TNFSF15: variants seen among roughly 807,000 people sequenced by gnomAD.
TNFSF15 encodes tumor necrosis factor ligand superfamily member 15.
In TNFSF15, 15 loss-of-function variants were observed where a neutral mutation model predicts 26.4. That is an observed-to-expected ratio of 0.57 (90% CI 0.38 to 0.87). The LOEUF (loss-of-function observed/expected upper bound fraction) is 0.87. Ranked by LOEUF, TNFSF15 falls within the 40% of genes least tolerant of loss-of-function variation. The pLI is 0.00. For missense variants in TNFSF15, 290 were observed against 306.1 expected (o/e 0.95, Z 0.39); for synonymous variants, 116 against 115.0 (o/e 1.01, Z -0.06).
At position 114,805,911 on chromosome 9, in the gene TNFSF15, G is replaced by A. The variant is rs1829815715; in HGVS notation, c.102C>T (p.Arg34=). The stretch of plus-strand genomic sequence containing the variant: ...ACACCAGGCAGCAGGTGAGAGCCCA[G>A]CGTGCGCTGCTGCTCCTGGCCTTGG... ...CRPKARSSSA[R]WALTCCLVLL... The change falls in exon 1 of 4, where the codon CGC becomes CGT. Residue 34 remains arginine (R), a synonymous_variant. Coordinates refer to ENST00000374045, the MANE Select transcript of TNFSF15 (RefSeq NM_005118.4). 6.2e-7 allele frequency: 1 copy of A among 1,614,128 alleles called. No individual in the cohort carries two copies. Among genetic ancestry groups the A allele is most frequent in the Non-Finnish European group, 8.5e-7 (1 of 1,180,038 alleles).
At chr9:114,800,040 A>G (rs1829723627) in intron 1 of TNFSF15, among the ~76,000 whole-genome samples, 1 of 152,082 alleles carries the variant, frequency 6.6e-6, no homozygotes, top group South Asian at 2.1e-4. Context: ...TTTTCTCTAG[A>G]TAGCACTGAA....
At chr9:114,792,115 C>T (rs1829608806) in intron 3 of TNFSF15, 2 of 386,106 alleles carry the variant, frequency 5.2e-6, no homozygotes, top group South Asian at 7.0e-5. Flanking sequence ...CACTCACATG[C>T]TTATTGCAGC....
Position 114,786,910 on chromosome 9 carries a change from T to TC in TNFSF15, c.*3541dup, listed in dbSNP as rs1432583400. 1.8e-4 allele frequency: 8 copies of TC among 44,676 alleles called. No individual in the cohort carries two copies. Among genetic ancestry groups the TC allele is most frequent in the Non-Finnish European group, 2.7e-4 (7 of 25,620 alleles). 2.8% of individuals were successfully genotyped at this position (44,676 alleles called of 1,614,324 possible). On this transcript the variant is annotated 3_prime_UTR_variant, in exon 4 of 4. Coordinates refer to ENST00000374045, the MANE Select transcript of TNFSF15 (RefSeq NM_005118.4). ...CTGGGTGACAAAGCAAGACTCTGTC[T>TC]CAAAAAAAAAAAAAAAAAAAAAGAA...
At position 114,792,061 on chromosome 9, in the gene TNFSF15, C is replaced by G. The variant is rs148704590; in HGVS notation, c.301+346G>C. ...AGAGACATGGGCCTTTGGAACCCCC[C>G]CACAGGGAAGAAGACATCCAAAAAA... On this transcript the variant is annotated intron_variant, in intron 3 of 3. Coordinates refer to ENST00000374045, the MANE Select transcript of TNFSF15 (RefSeq NM_005118.4). The G allele has an allele frequency of 4.0e-3, 963 of 242,990 alleles. 9 individuals carry two copies. The highest frequency in any genetic ancestry group is 0.02 in the African/African-American group (889 of 44,148). 15.1% of individuals were successfully genotyped at this position (242,990 alleles called of 1,614,324 possible).
At chr9:114,790,941 T>C (rs1189675610) in intron 3 of TNFSF15, 35 bp from the exon 4 acceptor site, 2 of 1,603,382 alleles carry the variant, frequency 1.2e-6, no homozygotes, top group Admixed American at 1.7e-5. Flanking sequence ...ATTTTCTCAT[T>C]GGGAAACTGT....
intron 1 of TNFSF15, 100 bp from the exon 2 acceptor site, chr9:114,793,668 C>T (rs1159441088): frequency 1.7e-6 from 2 of 1,148,024 alleles, no homozygotes; most frequent in East Asian, 2.4e-5. Flanking sequence ...GCTTCTGCTG[C>T]CCAGCCTGGG....
intron 1 of TNFSF15, among the ~76,000 whole-genome samples, chr9:114,798,504 G>A (rs1829701579): frequency 6.6e-6 from 1 of 152,068 alleles, no homozygotes; most frequent in Admixed American, 6.6e-5. Context: ...TTGAAGTTTA[G>A]TGGAATGCTC....
At chr9:114,790,939 A>G in intron 3 of TNFSF15, 33 bp from the exon 4 acceptor site, 1 of 1,601,836 alleles carries the variant, frequency 6.2e-7, no homozygotes, top group East Asian at 2.2e-5. Flanking sequence ...TAATTTTCTC[A>G]TTGGGAAACT....
rs1332192451 is a variant in TNFSF15, at chr9:114,790,775, C to T, written c.433G>A (p.Gly145Arg). Residue 145 changes from glycine to arginine, a missense_variant, in exon 4 of 4, where the codon GGA (glycine) becomes AGA (arginine). Physicochemically the swap from Gly to Arg is moderately radical, Grantham distance 125 (BLOSUM62 -2). Coordinates refer to ENST00000374045, the MANE Select transcript of TNFSF15 (RefSeq NM_005118.4). Reference protein sequence around the residue: ...TNKFLLIPESGDYFIYSQVTF... With the variant: ...TNKFLLIPESRDYFIYSQVTF... The stretch of plus-strand genomic sequence containing the variant: ...ACCTGGGAGTAAATGAAGTAGTCTC[C>T]CGACTCTGGGATCAGCAGGAATTTG... The T allele has an allele frequency of 6.2e-7, 1 of 1,613,858 alleles. No homozygotes were observed. The highest frequency in any genetic ancestry group is 1.7e-5 in the Admixed American group (1 of 59,984).
intron 1 of TNFSF15, among the ~76,000 whole-genome samples, chr9:114,800,392 A>G (rs1432071527): frequency 2.0e-5 from 3 of 152,128 alleles, no homozygotes; most frequent in Admixed American, 1.3e-4. Flanking sequence ...GAGGACTGGC[A>G]TTTATTGAGC....
Position 114,790,232 on chromosome 9 carries a change from T to G in TNFSF15, c.*220A>C. ...CCAATCCTCCAACCCATCTTAATAA[T>G]ATATTTGCTCTCTTCAGCCTTTTTC... On this transcript the variant is annotated 3_prime_UTR_variant, in exon 4 of 4. Transcript: ENST00000374045. 2.2e-6 allele frequency: 1 copy of G among 461,744 alleles called. No homozygotes were observed. Among genetic ancestry groups the G allele is most frequent in the East Asian group, 3.4e-5 (1 of 29,020 alleles). 28.6% of individuals were successfully genotyped at this position (461,744 alleles called of 1,614,324 possible).
intron 1 of TNFSF15, among the ~76,000 whole-genome samples, chr9:114,803,777 T>C (rs1246865135): frequency 3.9e-5 from 6 of 152,216 alleles, no homozygotes; most frequent in Admixed American, 3.3e-4. Flanking sequence ...CCCTTAGGTC[T>C]TCCAGGCAGG....
intron 1 of TNFSF15, among the ~76,000 whole-genome samples, chr9:114,804,650 A>G (rs1464537022): frequency 2.0e-5 from 3 of 152,202 alleles, no homozygotes; most frequent in Non-Finnish European, 1.5e-5. Context: ...CTGACTTCCC[A>G]TGACCTGCGG....
chr9:114,796,723 C>T (rs867279964), intron 1 of TNFSF15, among the ~76,000 whole-genome samples: 1 of 152,136 alleles, frequency 6.6e-6, no homozygotes, highest in Non-Finnish European at 1.5e-5. Flanking sequence ...GATGTGGTGT[C>T]GTATGTATGG....
At position 114,790,343 on chromosome 9, in the gene TNFSF15, G is replaced by A. The variant is rs1390057184; in HGVS notation, c.*109C>T. ...AGCTAAACCGTTGTCCCTGTGGAATGCCCCCTACTCCCGGCCCCAAGAAAA... is the reference window on the plus strand; with the variant it reads ...AGCTAAACCGTTGTCCCTGTGGAATACCCCCTACTCCCGGCCCCAAGAAAA... On this transcript the variant is annotated 3_prime_UTR_variant, in exon 4 of 4. Coordinates refer to ENST00000374045, the MANE Select transcript of TNFSF15 (RefSeq NM_005118.4). The A allele has an allele frequency of 9.1e-7, 1 of 1,100,918 alleles. No individual in the cohort carries two copies. The highest frequency in any genetic ancestry group is 2.4e-5 in the East Asian group (1 of 41,970). The allele number at this position is 1,100,918 out of a possible 1,614,324, so 68.2% of individuals were successfully genotyped here.
rs896737724 is a variant in TNFSF15, at chr9:114,786,839, G to C, written c.*3613C>G. 6.8e-6 allele frequency: 1 copy of C among 147,352 alleles called. No homozygotes were observed. Among genetic ancestry groups the C allele is most frequent in the Non-Finnish European group, 1.5e-5 (1 of 67,502 alleles). 9.1% of individuals were successfully genotyped at this position (147,352 alleles called of 1,614,324 possible). A position where few individuals can be genotyped will look rare whatever the true frequency, so the allele number is the denominator to read the frequency against. On this transcript the variant is annotated 3_prime_UTR_variant, in exon 4 of 4. Transcript: ENST00000374045. ...AAGCAGGAGAATGGCGTGAACCTGG[G>C]AGGCAGAGGTTGCAGTGAACTGAGA...
rs1829575672 is a variant in TNFSF15, at chr9:114,790,405, G to A, written c.*47C>T. The stretch of plus-strand genomic sequence containing the variant: ...AATTACATTTGAACAAAGAAAATTA[G>A]GAACTCGGTGGCAGAGGACTTTCAT... On this transcript the variant is annotated 3_prime_UTR_variant, in exon 4 of 4. Coordinates refer to ENST00000374045, the MANE Select transcript of TNFSF15 (RefSeq NM_005118.4). 2 of 1,505,054 alleles carry A rather than the reference G, an allele frequency of 1.3e-6. No homozygotes were observed. The highest frequency in any genetic ancestry group is 8.9e-7 in the Non-Finnish European group (1 of 1,121,208). 93.2% of individuals were successfully genotyped at this position (1,505,054 alleles called of 1,614,324 possible).
At position 114,786,475 on chromosome 9, in the gene TNFSF15, A is replaced by C. The variant is rs1829501766; in HGVS notation, c.*3977T>G. ...GGATTACTGACCAGCACAGAGGCGG[A>C]ATTTCCTCTGGGGTGATGAGAACTG... On this transcript the variant is annotated 3_prime_UTR_variant, in exon 4 of 4. Transcript: ENST00000374045. 2 of 152,328 alleles carry C rather than the reference A, an allele frequency of 1.3e-5. No homozygotes were observed. The highest frequency in any genetic ancestry group is 4.1e-4 in the South Asian group (2 of 4,832). The allele number at this position is 152,328 out of a possible 1,614,324, so 9.4% of individuals were successfully genotyped here.
rs536139925 is a variant in TNFSF15 at position 114,803,338 on chromosome 9, C to T, written c.210+2465G>A. Among the ~76,000 whole-genome samples the T allele has an allele frequency of 1.1e-4, 17 of 152,248 alleles. No homozygotes were observed. In the South Asian group the frequency reaches 3.3e-3, roughly 30 times the overall value. On this transcript the variant is annotated intron_variant, in intron 1 of 3. Transcript: ENST00000374045. The stretch of plus-strand genomic sequence containing the variant: ...ATACACAATGCTCCTTCTGCACACG[C>T]CTTATTGGTGCTGTCAGAGTATTGA...
Sources: gnomAD v4.1 joint callset for allele counts (sites outside exome capture counted in the v4.1 genomes callset) on GRCh38, gnomAD v4.1.1 for gene constraint, MANE v1.5 for transcripts, NCBI Gene and HGNC (gene_info 2026-07-23, HGNC 2026-07-21) for gene names.